MPPED1: variants seen among roughly 807,000 people sequenced by gnomAD.
MPPED1 encodes the protein metallophosphoesterase domain containing 1.
In MPPED1, 16 loss-of-function variants were observed where a neutral mutation model predicts 36.2. The ratio of observed to expected loss-of-function variants is 0.44; its 90% CI spans 0.30 to 0.67. MPPED1 has a LOEUF of 0.67. MPPED1 is among the 30% of genes least tolerant of loss of function. The pLI, the probability that MPPED1 is intolerant of heterozygous loss-of-function variation, is 0.10. For missense variants in MPPED1, 307 were observed against 453.4 expected, an observed-to-expected ratio of 0.68 and a Z score of 2.93; for synonymous variants, 199 against 191.3, an observed-to-expected ratio of 1.04 and a Z score of -0.33.
At chr22:43,500,902 T>G (rs1932714588) in intron 5 of MPPED1, among the ~76,000 whole-genome samples, 1 of 150,692 alleles carries the variant, frequency 6.6e-6, no homozygotes, top group African/African-American at 2.4e-5. Context: ...AGGAGGAGGG[T>G]GAGGTAGACA....
At position 43,425,028 on chromosome 22, in the gene MPPED1, G is replaced by A; in HGVS notation, c.43G>A (p.Ala15Thr). The change falls in exon 2 of 7, where the codon GCC becomes ACC. Residue 15 changes from alanine (A) to threonine (T), a missense_variant. Around this residue, in one of 3 missense-constraint regions of MPPED1, gnomAD observed 169 missense variants for 212.3 expected, o/e 0.80. Coordinates refer to ENST00000443721, the MANE Select transcript of MPPED1 (RefSeq NM_001044370.2). ...GGATGCCAGCGTCCTGAAGGCGGAG[G>A]CCCTGGCCCTCCTCCCCTGCGGCCT... ...RWDASVLKAEALALLPCGLGM... is the reference protein window; with the variant it reads ...RWDASVLKAETLALLPCGLGM... 3.1e-6 allele frequency: 5 copies of A among 1,610,796 alleles called. No homozygotes were observed. The highest frequency in any genetic ancestry group is 4.2e-6 in the Non-Finnish European group (5 of 1,178,780).
At chr22:43,425,888 C>T (rs1173530036) in intron 2 of MPPED1, among the ~76,000 whole-genome samples, 3 of 152,254 alleles carry the variant, frequency 2.0e-5, no homozygotes, top group South Asian at 2.1e-4. Flanking sequence ...TCAAGGCCCC[C>T]GTGAGCAGCA....
intron 2 of MPPED1, among the ~76,000 whole-genome samples, chr22:43,432,220 G>C (rs1458265905): frequency 3.3e-5 from 5 of 151,016 alleles, no homozygotes; most frequent in East Asian, 2.0e-4. Flanking sequence ...GAGAGAGAGA[G>C]ACACAGAGAG....
At chr22:43,486,219 C>T (rs925727599) in intron 4 of MPPED1, among the ~76,000 whole-genome samples, 1 of 152,234 alleles carries the variant, frequency 6.6e-6, no homozygotes, top group East Asian at 1.9e-4. Context: ...CCTCAGTTTC[C>T]CCTGTTGCAG....
chr22:43,428,610 G>T (rs186781877), intron 2 of MPPED1, among the ~76,000 whole-genome samples: 1 of 152,154 alleles, frequency 6.6e-6, no homozygotes, highest in Admixed American at 6.5e-5. Context: ...GTGAGGGAGC[G>T]ATGGAGCCTT....
intron 3 of MPPED1, among the ~76,000 whole-genome samples, chr22:43,437,337 G>A (rs534433115): frequency 3.5e-4 from 54 of 152,230 alleles, no homozygotes; most frequent in Admixed American, 8.5e-4. Context: ...TATACCCTTC[G>A]CATGTATTAG....
At chr22:43,439,287 G>A (rs1283969736) in intron 3 of MPPED1, among the ~76,000 whole-genome samples, 1 of 152,254 alleles carries the variant, frequency 6.6e-6, no homozygotes, top group Non-Finnish European at 1.5e-5. Flanking sequence ...TATCCCAAAT[G>A]TATTCATGAA....
chr22:43,476,683 C>T (rs1569082870), intron 4 of MPPED1, among the ~76,000 whole-genome samples: 1 of 152,084 alleles, frequency 6.6e-6, no homozygotes, highest in Non-Finnish European at 1.5e-5. Flanking sequence ...CTTCCCTGGC[C>T]TCGGCAGGTG....
At chr22:43,447,632 C>T (rs930232118) in intron 3 of MPPED1, among the ~76,000 whole-genome samples, 9 of 151,136 alleles carry the variant, frequency 6.0e-5, no homozygotes, top group East Asian at 2.0e-4. Context: ...TGTAGAGGGG[C>T]GTCTCCCCTC....
intron 4 of MPPED1, among the ~76,000 whole-genome samples, chr22:43,483,182 T>C (rs1018887051): frequency 2.6e-5 from 4 of 152,266 alleles, no homozygotes; most frequent in African/African-American, 9.6e-5. Context: ...TCTAACTTGA[T>C]AAATATATAT....
Position 43,474,866 on chromosome 22 carries a change from G to A in MPPED1, c.537G>A (p.Glu179=), listed in dbSNP as rs763554555. 8 of 1,614,046 alleles carry A rather than the reference G, an allele frequency of 5.0e-6. No homozygotes were observed. Among genetic ancestry groups the A allele is most frequent in the South Asian group, 1.1e-5 (1 of 91,084 alleles). Residue 179 remains glutamate (E), a synonymous_variant, in exon 4 of 7, where the codon GAG becomes GAA. Coordinates refer to ENST00000443721, the MANE Select transcript of MPPED1 (RefSeq NM_001044370.2). The surrounding 1 kb of genome is among the most constrained non-coding windows in gnomAD (Gnocchi z 5.2). ...CATCTGTGTCGAAGCTGAAGCCGGAGAACTATGAGAATGTGCAGTCGCTGC... is the reference window on the plus strand; with the variant it reads ...CATCTGTGTCGAAGCTGAAGCCGGAAAACTATGAGAATGTGCAGTCGCTGC... ...YFPSVSKLKP[E]NYENVQSLLT...
chr22:43,463,996 C>T (rs920418982), intron 3 of MPPED1, among the ~76,000 whole-genome samples: 2 of 151,814 alleles, frequency 1.3e-5, no homozygotes, highest in African/African-American at 4.8e-5. Context: ...GCAACCTCCG[C>T]CTCCCAGGTT....
At chr22:43,450,977 T>C (rs887907579) in intron 3 of MPPED1, among the ~76,000 whole-genome samples, 2 of 151,494 alleles carry the variant, frequency 1.3e-5, no homozygotes, top group African/African-American at 2.4e-5. Context: ...CTGCCCACCT[T>C]GGCCTACCAA....
intron 3 of MPPED1, among the ~76,000 whole-genome samples, chr22:43,446,952 A>G (rs749269397): frequency 6.6e-6 from 1 of 152,198 alleles, no homozygotes; most frequent in Non-Finnish European, 1.5e-5. Flanking sequence ...GACAGGGGGA[A>G]GTGGTAGCCG....
intron 3 of MPPED1, among the ~76,000 whole-genome samples, chr22:43,460,254 C>G (rs1254081895): frequency 7.7e-6 from 1 of 130,504 alleles, no homozygotes; most frequent in South Asian, 2.6e-4. Flanking sequence ...AAAACAAAAA[C>G]AAACCCAAAC....
intron 5 of MPPED1, among the ~76,000 whole-genome samples, chr22:43,501,352 C>A (rs189619419): frequency 1.1e-4 from 17 of 152,296 alleles, no homozygotes; most frequent in African/African-American, 3.8e-4. Flanking sequence ...CTTCTCCCCT[C>A]TTCTATCTTT....
intron 3 of MPPED1, among the ~76,000 whole-genome samples, chr22:43,470,575 A>C (rs1303962227): frequency 1.3e-5 from 2 of 152,120 alleles, no homozygotes; most frequent in Non-Finnish European, 2.9e-5. Context: ...CCATCTATAA[A>C]CGATTTATCC....
chr22:43,502,526 A>T lies in MPPED1; in HGVS notation c.749-118A>T. 1.3e-6 allele frequency: 1 copy of T among 744,394 alleles called. No individual in the cohort carries two copies. Among genetic ancestry groups the T allele is most frequent in the South Asian group, 1.6e-5 (1 of 61,578 alleles). 46.1% of individuals were successfully genotyped at this position (744,394 alleles called of 1,614,324 possible). A position where few individuals can be genotyped will look rare whatever the true frequency, so the allele number is the denominator to read the frequency against. On this transcript the variant is annotated intron_variant, in intron 5 of 6. Coordinates refer to ENST00000443721, the MANE Select transcript of MPPED1 (RefSeq NM_001044370.2). The surrounding 1 kb of genome is among the most constrained non-coding windows in gnomAD (Gnocchi z 5.5). Reference sequence around the variant, plus strand: ...GAGCTTGCTAGGGGAGAGTGGTGCAAAGCCGGAGTCCGGAAGCCCCATGCC... The same window carrying T: ...GAGCTTGCTAGGGGAGAGTGGTGCATAGCCGGAGTCCGGAAGCCCCATGCC...
chr22:43,433,605 G>C (rs1396478677), intron 2 of MPPED1, among the ~76,000 whole-genome samples: 1 of 150,974 alleles, frequency 6.6e-6, no homozygotes, highest in Non-Finnish European at 1.5e-5. Context: ...AGGGGCCCCG[G>C]GTGCGCGCTC....
Sources: allele counts gnomAD v4.1 joint callset (sites outside exome capture counted in the v4.1 genomes callset), GRCh38; gene constraint gnomAD v4.1.1; regional missense constraint gnomAD v4.1.1; non-coding constraint Gnocchi (gnomAD v3.1); transcripts MANE v1.5; gene names NCBI Gene and HGNC (gene_info 2026-07-23, HGNC 2026-07-21).